The following MLIP variants were observed in gnomAD, a reference collection of about 807,000 sequenced individuals.
MLIP encodes muscular LMNA-interacting protein.
A neutral mutation model predicts 84.8 loss-of-function variants in MLIP; 79 were observed. The ratio of observed to expected loss-of-function variants is 0.93; its 90% confidence interval spans 0.78 to 1.12. MLIP has a LOEUF of 1.12. Among genes scored for constraint, MLIP ranks in the 50% most tolerant of loss-of-function variants. The pLI is 0.00. For synonymous variants in MLIP, 504 were observed against 463.0 expected, an observed-to-expected ratio of 1.09 and a Z score of -1.14; for missense variants, 1,257 against 1,160.6, an observed-to-expected ratio of 1.08 and a Z score of -1.21.
intron 11 of MLIP, among the ~76,000 whole-genome samples, chr6:54,218,914 C>T (rs1374528495): frequency 6.6e-6 from 1 of 151,758 alleles, no homozygotes; most frequent in Non-Finnish European, 1.5e-5. Flanking sequence ...AAACAAAATG[C>T]AAACACAGGC....
intron 1 of MLIP, among the ~76,000 whole-genome samples, chr6:54,047,768 G>A (rs1037255696): frequency 3.3e-5 from 5 of 152,222 alleles, no homozygotes; most frequent in African/African-American, 1.2e-4. Context: ...AGTTTACTCT[G>A]TGACAGTTAC....
intron 9 of MLIP, among the ~76,000 whole-genome samples, chr6:54,185,342 T>G (rs1777283340): frequency 6.6e-6 from 1 of 152,158 alleles, no homozygotes; most frequent in Non-Finnish European, 1.5e-5. Context: ...TACATTTAAT[T>G]TTGCACTTTC....
intron 1 of MLIP, among the ~76,000 whole-genome samples, chr6:54,086,605 A>G (rs1767506732): frequency 6.6e-6 from 1 of 152,162 alleles, no homozygotes; most frequent in Non-Finnish European, 1.5e-5. Context: ...AATAAAAGCC[A>G]AAGTCCGTTA....
intron 11 of MLIP, among the ~76,000 whole-genome samples, chr6:54,227,712 T>G (rs540480817): frequency 6.6e-6 from 1 of 152,214 alleles, no homozygotes; most frequent in Non-Finnish European, 1.5e-5. Flanking sequence ...AAAGAAATTA[T>G]TTTCCAACCT....
At chr6:54,135,958 G>A (rs1357166553) in intron 3 of MLIP, among the ~76,000 whole-genome samples, 1 of 151,966 alleles carries the variant, frequency 6.6e-6, no homozygotes, top group Non-Finnish European at 1.5e-5. Flanking sequence ...GGGTTTCCTT[G>A]TTTCAGGTGG....
intron 10 of MLIP, among the ~76,000 whole-genome samples, chr6:54,201,684 T>C (rs1251335544): frequency 2.6e-5 from 4 of 152,134 alleles, no homozygotes; most frequent in African/African-American, 4.8e-5. Flanking sequence ...TTTTGGGGCA[T>C]GGAGGGTGAG....
chr6:54,040,659 C>A (rs1390729776), intron 1 of MLIP, among the ~76,000 whole-genome samples: 1 of 152,038 alleles, frequency 6.6e-6, no homozygotes. Context: ...TACATAGAAT[C>A]AACCTAGGTG....
intron 2 of MLIP, among the ~76,000 whole-genome samples, chr6:54,123,686 C>T (rs1770663703): frequency 1.3e-5 from 2 of 152,028 alleles, no homozygotes; most frequent in Admixed American, 1.3e-4. Flanking sequence ...AGAAAAGCTG[C>T]AGAGAAAAGA....
chr6:54,020,576 A>AT (rs1209969022), intron 1 of MLIP, among the ~76,000 whole-genome samples: 2 of 152,202 alleles, frequency 1.3e-5, no homozygotes, highest in Non-Finnish European at 2.9e-5. Context: ...AACAGAGGAC[A>AT]TGGGGCAAGT....
intron 11 of MLIP, chr6:54,215,254 T>C: frequency 6.7e-7 from 1 of 1,498,136 alleles, no homozygotes; most frequent in African/African-American, 1.4e-5. Context: ...TTGACTTTCC[T>C]ACTTCCTGAA....
At chr6:54,148,515 ATAT>A (rs1324644375) in intron 4 of MLIP, among the ~76,000 whole-genome samples, 1 of 152,174 alleles carries the variant, frequency 6.6e-6, no homozygotes, top group Non-Finnish European at 1.5e-5. Flanking sequence ...TACATTGCTG[ATAT>A]TATTTATGTT....
chr6:54,073,274 C>A (rs1467226306), intron 1 of MLIP, among the ~76,000 whole-genome samples: 2 of 152,294 alleles, frequency 1.3e-5, no homozygotes, highest in Non-Finnish European at 2.9e-5. Flanking sequence ...TCGTAGTTAA[C>A]TTTTCTGAAA....
intron 9 of MLIP, among the ~76,000 whole-genome samples, chr6:54,176,174 T>C (rs1234877607): frequency 6.6e-6 from 1 of 152,046 alleles, no homozygotes; most frequent in African/African-American, 2.4e-5. Context: ...ATCAGAGATA[T>C]TGGCCTGTGG....
intron 12 of MLIP, among the ~76,000 whole-genome samples, chr6:54,234,151 A>G (rs1317998071): frequency 4.6e-5 from 7 of 152,122 alleles, no homozygotes; most frequent in African/African-American, 1.7e-4. Flanking sequence ...AAAGTGAGAT[A>G]GCCCAGCAGG....
rs1240354866 is a variant in MLIP, at chr6:54,176,715, T to A, written c.2544+7143T>A. 2.0e-5 allele frequency among the ~76,000 whole-genome samples: 3 copies of A among 151,596 alleles called. No homozygotes were observed. In the South Asian group the frequency reaches 6.2e-4, roughly 31 times the overall value. ...AGAAAAAAAAACGTAAAAGTTCATA[T>A]GAAACCAAAAAAGAGCCTGTATAGA... On this transcript the variant is annotated intron_variant, in intron 9 of 13. Coordinates refer to ENST00000502396, the MANE Select transcript of MLIP (RefSeq NM_001281747.2).
At chr6:54,054,719 T>C (rs1164954851) in intron 1 of MLIP, among the ~76,000 whole-genome samples, 2 of 152,234 alleles carry the variant, frequency 1.3e-5, no homozygotes, top group African/African-American at 4.8e-5. Flanking sequence ...ACATTTTCTC[T>C]GGCAGCTTCC....
At position 54,160,584 on chromosome 6, in the gene MLIP, GGATT is replaced by G; in HGVS notation, c.2425_2428del (p.Asp809ProfsTer54). Reference sequence around the variant, plus strand: ...GTGCTACCATTGATAAGGTCTTACAGGATTCCTTGTCTATGGTAATGCTTTAGAC... The same window carrying G: ...GTGCTACCATTGATAAGGTCTTACAGCCTTGTCTATGGTAATGCTTTAGAC... On this transcript the variant is annotated frameshift_variant, in exon 7 of 14. Coordinates refer to ENST00000502396, the MANE Select transcript of MLIP (RefSeq NM_001281747.2). LOFTEE classifies it high-confidence loss of function. 4 of 1,610,920 alleles carry G rather than the reference GGATT, an allele frequency of 2.5e-6. No individual in the cohort carries two copies. Among genetic ancestry groups the G allele is most frequent in the Non-Finnish European group, 3.4e-6 (4 of 1,177,884 alleles).
intron 1 of MLIP, among the ~76,000 whole-genome samples, chr6:54,084,387 C>T (rs993202258): frequency 4.6e-5 from 7 of 152,078 alleles, no homozygotes; most frequent in Non-Finnish European, 8.8e-5. Context: ...GTCAAGCCTA[C>T]GATGATGGAA....
chr6:54,225,519 G>A (rs913536037), intron 11 of MLIP, among the ~76,000 whole-genome samples: 1 of 152,126 alleles, frequency 6.6e-6, no homozygotes, highest in Non-Finnish European at 1.5e-5. Flanking sequence ...AGTAATGCAA[G>A]CATATCTTCT....
Sources: gnomAD v4.1 joint callset for allele counts (sites outside exome capture counted in the v4.1 genomes callset) on GRCh38, gnomAD v4.1.1 for gene constraint, MANE v1.5 for transcripts, NCBI Gene and HGNC (gene_info 2026-07-23, HGNC 2026-07-21) for gene names.